TSPAN14: variants seen among roughly 807,000 people sequenced by gnomAD.
TSPAN14 encodes tetraspanin 14.
A neutral mutation model predicts 36.6 loss-of-function variants in TSPAN14; 16 were observed. That is an observed-to-expected ratio of 0.44 (90% CI 0.30 to 0.66). The LOEUF is 0.66. Ranked by LOEUF, TSPAN14 falls within the 30% of genes least tolerant of loss-of-function variation. TSPAN14 has a pLI of 0.12. For missense variants in TSPAN14, 231 were observed against 355.1 expected, an observed-to-expected ratio of 0.65 and a Z score of 2.81; for synonymous variants, 139 against 143.8, an observed-to-expected ratio of 0.97 and a Z score of 0.24.
chr10:80,492,394 G>A (rs1051634705), intron 2 of TSPAN14, among the ~76,000 whole-genome samples: 7 of 152,120 alleles, frequency 4.6e-5, no homozygotes, highest in African/African-American at 1.5e-4. Context: ...AGGATTGCAC[G>A]TGTTGATGGT....
At chr10:80,458,823 AG>A (rs373817338) in intron 1 of TSPAN14, among the ~76,000 whole-genome samples, 1 of 152,050 alleles carries the variant, frequency 6.6e-6, no homozygotes, top group Non-Finnish European at 1.5e-5. Flanking sequence ...AGGCCCTGGC[AG>A]GGGGGCAGTG....
At chr10:80,482,792 A>G (rs368133403) in intron 1 of TSPAN14, among the ~76,000 whole-genome samples, 3 of 130,350 alleles carry the variant, frequency 2.3e-5, no homozygotes, top group African/African-American at 3.3e-5. Flanking sequence ...CTGGAGTGCA[A>G]TGGCACGATC....
intron 1 of TSPAN14, among the ~76,000 whole-genome samples, chr10:80,473,000 T>C (rs7070736): frequency 0.014 from 2,073 of 152,312 alleles, 40 homozygotes; most frequent in African/African-American, 0.045. Context: ...CCCATGGTTT[T>C]TAGTGTGCAC....
At chr10:80,458,120 G>C (rs1845812210) in intron 1 of TSPAN14, among the ~76,000 whole-genome samples, 1 of 152,218 alleles carries the variant, frequency 6.6e-6, no homozygotes, top group Admixed American at 6.5e-5. Flanking sequence ...TGTAGGGGCA[G>C]CCACCTTTCC....
At chr10:80,456,863 GACCAGC>G (rs1454087883) in intron 1 of TSPAN14, among the ~76,000 whole-genome samples, 1 of 152,106 alleles carries the variant, frequency 6.6e-6, no homozygotes, top group Non-Finnish European at 1.5e-5. Context: ...AGGAGTTCAA[GACCAGC>G]CTGACCAACA....
intron 5 of TSPAN14, 149 bp from the exon 6 acceptor site, chr10:80,511,995 T>A: frequency 1.6e-6 from 2 of 1,264,208 alleles, no homozygotes; most frequent in Non-Finnish European, 2.2e-6. Flanking sequence ...TTAGCATCTC[T>A]GCACATGGGA....
chr10:80,471,664 C>T (rs1307085708), intron 1 of TSPAN14, among the ~76,000 whole-genome samples: 1 of 152,172 alleles, frequency 6.6e-6, no homozygotes, highest in Non-Finnish European at 1.5e-5. Context: ...GGCAGCTTCA[C>T]CTTCAATGGC....
In TSPAN14 at chr10:80,469,166, T is replaced by TG. The variant is rs1009933851; in HGVS notation, c.-18+14802dup. 6.8e-4 allele frequency among the ~76,000 whole-genome samples: 89 copies of TG among 131,508 alleles called. No homozygotes were observed. In the South Asian group the frequency reaches 0.019, roughly 28 times the overall value. 86.3% of individuals were successfully genotyped at this position (131,508 alleles called of 152,430 possible). On this transcript the variant is annotated intron_variant, in intron 1 of 8. Coordinates refer to ENST00000429989, the Ensembl canonical transcript of TSPAN14. ...TGGGGCATGGGGGTGGGGGTAGGGA[T>TG]GGGGGGGTAACTGGAGCCCTCCTGG...
intron 1 of TSPAN14, among the ~76,000 whole-genome samples, chr10:80,462,087 G>C (rs753118095): frequency 6.6e-6 from 1 of 151,362 alleles, no homozygotes; most frequent in Non-Finnish European, 1.5e-5. Context: ...CTAATTTAAA[G>C]AATTTTTTGT....
intron 2 of TSPAN14, among the ~76,000 whole-genome samples, chr10:80,504,107 C>A (rs2132040750): frequency 6.6e-6 from 1 of 152,332 alleles, no homozygotes; most frequent in South Asian, 2.1e-4. Flanking sequence ...TAGCTAAAAG[C>A]CCAGCCTTTC....
chr10:80,518,035 C>T (rs1841038909), exon 9 of TSPAN14: 2 of 1,523,200 alleles, frequency 1.3e-6, no homozygotes, highest in Admixed American at 2.0e-5. Flanking sequence ...CTTTCTCTGC[C>T]ATCAGCCCTA....
chr10:80,468,804 G>A (rs1186152305), intron 1 of TSPAN14: 3 of 151,524 alleles, frequency 2.0e-5, no homozygotes, highest in African/African-American at 7.3e-5. Context: ...TATCTCCTGG[G>A]TTCAAGCGAT....
intron 1 of TSPAN14, among the ~76,000 whole-genome samples, chr10:80,466,991 C>T (rs1406555734): frequency 6.6e-6 from 1 of 152,154 alleles, no homozygotes; most frequent in East Asian, 1.9e-4. Context: ...TTAGAGTCAG[C>T]AGAAAGGACT....
intron 2 of TSPAN14, among the ~76,000 whole-genome samples, chr10:80,493,425 G>A (rs893814866): frequency 6.6e-6 from 1 of 152,210 alleles, no homozygotes; most frequent in Non-Finnish European, 1.5e-5. Flanking sequence ...AGAGCTGAAA[G>A]CAGGATCTCG....
In TSPAN14 at chr10:80,509,387, G is replaced by A; in HGVS notation, c.366G>A (p.Arg122=). ...TGTTCCAGGACTGGGTGAGGGACCG[G>A]TTCCGGGAGTTCTTCGAGAGCAACA... is the stretch of plus-strand genomic sequence containing the variant. The change falls in exon 5 of 9, where the codon CGG becomes CGA. Residue 122 remains arginine, a synonymous_variant. Transcript: ENST00000429989. This position sits in a 1 kb window ranked among gnomAD's most constrained non-coding sequence, Gnocchi z 4.7. 6.2e-7 allele frequency: 1 copy of A among 1,614,166 alleles called. No homozygotes were observed. Among genetic ancestry groups the A allele is most frequent in the Non-Finnish European group, 8.5e-7 (1 of 1,180,040 alleles).
chr10:80,516,427 AGCTTGC>A, intron 8 of TSPAN14, 104 bp downstream of exon 8: 2 of 1,518,716 alleles, frequency 1.3e-6, no homozygotes, highest in Admixed American at 1.9e-5. Flanking sequence ...GTATTAAGGA[AGCTTGC>A]AGAAGAAAAA....
intron 2 of TSPAN14, among the ~76,000 whole-genome samples, chr10:80,502,615 G>A (rs192626151): frequency 2.0e-5 from 3 of 152,104 alleles, no homozygotes; most frequent in African/African-American, 7.2e-5. Flanking sequence ...CTGGGTGGAC[G>A]GTGGTGCCAC....
At chr10:80,467,724 G>T (rs1589239866) in intron 1 of TSPAN14, among the ~76,000 whole-genome samples, 1 of 152,242 alleles carries the variant, frequency 6.6e-6, no homozygotes, top group East Asian at 1.9e-4. Flanking sequence ...CACCTCAAAA[G>T]ATGCCTGTAG....
At chr10:80,493,146 G>A (rs1347128458) in intron 2 of TSPAN14, among the ~76,000 whole-genome samples, 2 of 152,130 alleles carry the variant, frequency 1.3e-5, no homozygotes, top group African/African-American at 4.8e-5. Context: ...TGCTAGACCT[G>A]TTTTTAGTGC....
Sources: gnomAD v4.1 joint callset for allele counts (sites outside exome capture counted in the v4.1 genomes callset) on GRCh38, gnomAD v4.1.1 for gene constraint, Gnocchi (gnomAD v3.1) non-coding constraint, MANE v1.5 for transcripts, NCBI Gene and HGNC (gene_info 2026-07-23, HGNC 2026-07-21) for gene names.